WRAP53: variants seen among roughly 807,000 people sequenced by gnomAD.
The protein encoded by WRAP53 is telomerase Cajal body protein 1.
WRAP53 carries 28 observed loss-of-function variants against 56.6 expected under a neutral mutation model. That is an observed-to-expected ratio of 0.50 (90% CI 0.37 to 0.68). The LOEUF is 0.68. WRAP53 is among the 30% of genes least tolerant of loss of function. WRAP53 has a pLI of 0.00. For missense variants in WRAP53, 671 were observed against 715.5 expected (o/e 0.94, Z 0.71); for synonymous variants, 283 against 283.4 (o/e 1.00, Z 0.01).
upstream of WRAP53, chr17:7,687,581 G>A: frequency 2.5e-6 from 1 of 398,798 alleles, no homozygotes; most frequent in Non-Finnish European, 4.4e-6. Flanking sequence ...CACAAAGCTG[G>A]ACAGTCGCCA....
chr17:7,689,927 C>G (rs1337969230), intron 4 of WRAP53, among the ~76,000 whole-genome samples: 3 of 152,200 alleles, frequency 2.0e-5, no homozygotes, highest in Middle Eastern at 3.4e-3. Context: ...TAGTGAATTT[C>G]TTGTGGCAGC....
chr17:7,699,502 T>TTTATATATATATATATATTTA (rs1555530501), intron 4 of WRAP53, among the ~76,000 whole-genome samples: 5 of 11,764 alleles, frequency 4.3e-4, no homozygotes, highest in Non-Finnish European at 6.6e-4. Flanking sequence ...ATATATATAT[T>TTTATATATATATATATATTTA]TATATATATA....
intron 1 of WRAP53, 25 bp from the exon 2 acceptor site, chr17:7,688,623 A>C (rs765268037): frequency 6.2e-7 from 1 of 1,613,710 alleles, no homozygotes; most frequent in Non-Finnish European, 8.5e-7. Flanking sequence ...GGCTGAGGCT[A>C]ATCTCCGCTG....
upstream of WRAP53, chr17:7,688,277 C>T: frequency 3.7e-6 from 1 of 270,748 alleles, no homozygotes; most frequent in Non-Finnish European, 7.2e-6. Context: ...TAGAAGCGTT[C>T]AGACTACAAC....
intron 4 of WRAP53, among the ~76,000 whole-genome samples, chr17:7,695,142 A>G: frequency 6.6e-6 from 1 of 152,030 alleles, no homozygotes; most frequent in East Asian, 1.9e-4. Flanking sequence ...TTTTTAGTAC[A>G]GTCGGGGTTT....
At chr17:7,688,233 T>C (rs1040642619), upstream of WRAP53, 1 of 193,188 alleles carries the variant, frequency 5.2e-6, no homozygotes, top group Admixed American at 5.3e-5. Flanking sequence ...ACCGCGGGAC[T>C]CGGTAGGGGG....
upstream of WRAP53, chr17:7,687,532 G>A: frequency 2.5e-6 from 1 of 398,676 alleles, no homozygotes; most frequent in Non-Finnish European, 4.4e-6. Flanking sequence ...ACATGGGAGG[G>A]GAAAACCCCA....
At position 7,701,695 on chromosome 17, in the gene WRAP53, G is replaced by C. The variant is rs1399107184; in HGVS notation, c.861G>C (p.Pro287=). 4 of 1,614,088 alleles carry C rather than the reference G, an allele frequency of 2.5e-6. No homozygotes were observed. The highest frequency in any genetic ancestry group is 3.4e-6 in the Non-Finnish European group (4 of 1,180,044). The change falls in exon 7 of 11, where the codon CCG becomes CCC. Residue 287 remains proline (P), a synonymous_variant. Coordinates refer to ENST00000396463, the MANE Select transcript of WRAP53 (RefSeq NM_001143992.2). This position sits in a 1 kb window ranked among gnomAD's most constrained non-coding sequence, Gnocchi z 4.2. Reference sequence around the variant, plus strand: ...CAGCCCATTCGCTCTGCTTCTCCCCGGATGGCTCCCAGCTCTTCTGTGGCT... The same window carrying C: ...CAGCCCATTCGCTCTGCTTCTCCCCCGATGGCTCCCAGCTCTTCTGTGGCT... The part of the protein sequence containing the change: ...LTAAHSLCFS[P]DGSQLFCGFN...
At chr17:7,699,496 A>ATATATATATATATATT (rs1567577485) in intron 4 of WRAP53, among the ~76,000 whole-genome samples, 1 of 12,188 alleles carries the variant, frequency 8.2e-5, no homozygotes, top group Non-Finnish European at 1.3e-4. Flanking sequence ...ATATATATAT[A>ATATATATATATATATT]TATATTTATA....
At chr17:7,697,150 G>A (rs183770184) in intron 4 of WRAP53, among the ~76,000 whole-genome samples, 22 of 151,676 alleles carry the variant, frequency 1.5e-4, no homozygotes, top group South Asian at 2.1e-4. Flanking sequence ...GCAAAATCCC[G>A]TCTCTACTAA....
chr17:7,690,556 C>T (rs910501972), intron 4 of WRAP53, among the ~76,000 whole-genome samples: 1 of 152,196 alleles, frequency 6.6e-6, no homozygotes, highest in Non-Finnish European at 1.5e-5. Context: ...CTGGAAAGAG[C>T]TTTCCAGGAA....
rs1446584973 is a variant in WRAP53, at chr17:7,703,251, C to G, written c.1412C>G (p.Pro471Arg). ...KDCTNGVSLHPSLPLLATASG... is the reference protein window; with the variant it reads ...KDCTNGVSLHRSLPLLATASG... The stretch of plus-strand genomic sequence containing the variant: ...CCCCATCTCTCCCTCAGCCTGCACC[C>G]TAGCCTGCCTCTCCTGGCCACTGCC... The change falls in exon 11 of 11, where the codon CCT (proline) becomes CGT (arginine). Residue 471 changes from proline to arginine, a missense_variant. Around this residue, in one of 3 missense-constraint regions of WRAP53, gnomAD observed 158 missense variants for 215.7 expected, o/e 0.73. Transcript: ENST00000396463. The G allele has an allele frequency of 1.2e-6, 2 of 1,613,428 alleles. No homozygotes were observed. Among genetic ancestry groups the G allele is most frequent in the African/African-American group, 2.7e-5 (2 of 74,908 alleles).
upstream of WRAP53, chr17:7,687,351 CTCA>C: frequency 2.5e-6 from 1 of 398,550 alleles, no homozygotes. Context: ...TCAGAGAGGA[CTCA>C]TCAAGTTCAG....
chr17:7,696,107 C>T (rs1020880666), intron 4 of WRAP53, among the ~76,000 whole-genome samples: 2 of 151,726 alleles, frequency 1.3e-5, no homozygotes, highest in Non-Finnish European at 2.9e-5. Flanking sequence ...GGAAGCGTTC[C>T]CAGAGGAAGA....
At chr17:7,699,440 T>TA (rs1321430876) in intron 4 of WRAP53, among the ~76,000 whole-genome samples, 1 of 72,596 alleles carries the variant, frequency 1.4e-5, no homozygotes, top group Non-Finnish European at 2.5e-5. Flanking sequence ...AAAAAAAAAT[T>TA]TATATATATA....
At chr17:7,692,013 A>AT (rs2074117123) in intron 4 of WRAP53, among the ~76,000 whole-genome samples, 3 of 149,250 alleles carry the variant, frequency 2.0e-5, no homozygotes, top group Non-Finnish European at 4.5e-5. Context: ...ATTTTTTTGT[A>AT]TTTTTTTAGT....
In WRAP53 at chr17:7,702,860, A is replaced by T. The variant is rs1170934336; in HGVS notation, c.1268+14A>T. 1.2e-6 allele frequency: 2 copies of T among 1,612,958 alleles called. No individual in the cohort carries two copies. The highest frequency in any genetic ancestry group is 4.5e-5 in the East Asian group (2 of 44,846). On this transcript the variant is annotated intron_variant, in intron 9 of 10. Transcript: ENST00000396463. The surrounding 1 kb of genome is among the most constrained non-coding windows in gnomAD (Gnocchi z 5.0). ...CGATCTGGACCCGTGAGTGGCTGTG[A>T]CTCCTTCCTACACAGGGCCCTGATA...
chr17:7,688,979 G>A lies in WRAP53; in HGVS notation c.331G>A (p.Gly111Arg). ...AAGCCTTCCTGCAGAAGAAGCAAAC[G>A]GGAGCCTTTCTGAAGAAGAAGCGAA... ...NTSLPAEEAN[G>R]SLSEEEANGP... Residue 111 changes from glycine (G) to arginine (R), a missense_variant, in exon 2 of 11, where the codon GGG becomes AGG. Gly to Arg is a moderately radical substitution (Grantham distance 125). Coordinates refer to ENST00000396463, the MANE Select transcript of WRAP53 (RefSeq NM_001143992.2). 1.2e-6 allele frequency: 2 copies of A among 1,614,168 alleles called. No homozygotes were observed. The highest frequency in any genetic ancestry group is 2.2e-5 in the East Asian group (1 of 44,886).
At position 7,694,242 on chromosome 17, in the gene WRAP53, C is replaced by CTT. The variant is rs749740076; in HGVS notation, c.642+4559_642+4560dup. Among the ~76,000 whole-genome samples, 111 of 122,574 alleles carry CTT rather than the reference C, an allele frequency of 9.1e-4. 1 individual carries two copies. The highest frequency in any genetic ancestry group is 2.0e-3 in the South Asian group (8 of 3,910). The allele number at this position is 122,574 out of a possible 152,430, so 80.4% of individuals were successfully genotyped here. A position where few individuals can be genotyped will look rare whatever the true frequency, so the allele number is the denominator to read the frequency against. On this transcript the variant is annotated intron_variant, in intron 4 of 10. Coordinates refer to ENST00000396463, the MANE Select transcript of WRAP53 (RefSeq NM_001143992.2). ...GTCAATTTGTTTTCTTTTTTTCTTT[C>CTT]TTTTTTTTTTTTTTTTTTTGAGACA... is the stretch of plus-strand genomic sequence containing the variant.
Sources: gnomAD v4.1 joint callset for allele counts (sites outside exome capture counted in the v4.1 genomes callset) on GRCh38, gnomAD v4.1.1 for gene constraint, gnomAD v4.1.1 regional missense constraint, Gnocchi (gnomAD v3.1) non-coding constraint, MANE v1.5 for transcripts, NCBI Gene and HGNC (gene_info 2026-07-23, HGNC 2026-07-21) for gene names.